TMC1: variants seen among roughly 807,000 people sequenced by gnomAD.
TMC1 encodes transmembrane channel like 1.
In TMC1, 84 loss-of-function variants were observed where a neutral mutation model predicts 105.8. The observed-to-expected ratio is 0.79, with a 90% CI of 0.67 to 0.95. The LOEUF is 0.95. Among genes scored for constraint, TMC1 ranks in the 40% least tolerant of loss-of-function variants. The pLI, the probability that TMC1 is intolerant of heterozygous loss-of-function variation, is 0.00. For synonymous variants in TMC1, 315 were observed against 311.5 expected (o/e 1.01, Z -0.12); for missense variants, 817 against 914.1 (o/e 0.89, Z 1.37).
chr9:72,751,261 C>T (rs1196942382), intron 10 of TMC1, among the ~76,000 whole-genome samples: 1 of 152,166 alleles, frequency 6.6e-6, no homozygotes, highest in East Asian at 1.9e-4. Context: ...TAATTTCTGG[C>T]ATAAGATGTG....
At chr9:72,607,087 C>A (rs1475218182) in intron 2 of TMC1, among the ~76,000 whole-genome samples, 2 of 151,476 alleles carry the variant, frequency 1.3e-5, no homozygotes, top group African/African-American at 4.9e-5. Flanking sequence ...TATTTGTTTC[C>A]TCTTTTTATC....
intron 2 of TMC1, among the ~76,000 whole-genome samples, chr9:72,595,011 G>T (rs1824696175): frequency 6.6e-6 from 1 of 151,960 alleles, no homozygotes; most frequent in South Asian, 2.1e-4. Context: ...TACTAGAGGT[G>T]TGTGCCACCA....
chr9:72,657,054 T>G (rs1825895258), intron 5 of TMC1, among the ~76,000 whole-genome samples: 1 of 152,224 alleles, frequency 6.6e-6, no homozygotes, highest in African/African-American at 2.4e-5. Flanking sequence ...TTACCACACA[T>G]CTATGCACAT....
chr9:72,627,898 A>G (rs1587998567), intron 3 of TMC1, 23 bp from the exon 4 acceptor site: 1 of 343,318 alleles, frequency 2.9e-6, no homozygotes, highest in Non-Finnish European at 5.7e-6. Context: ...TCTGTATTGG[A>G]TTTTTTTTTT....
intron 17 of TMC1, 107 bp downstream of exon 17, chr9:72,792,459 C>A: frequency 7.5e-7 from 1 of 1,341,086 alleles, no homozygotes; most frequent in Non-Finnish European, 1.1e-6. Flanking sequence ...GTAAAAATAG[C>A]TAAGATTTGT....
intron 3 of TMC1, among the ~76,000 whole-genome samples, chr9:72,621,523 T>C (rs1825249277): frequency 6.6e-6 from 1 of 152,232 alleles, no homozygotes; most frequent in Admixed American, 6.5e-5. Flanking sequence ...AATATTCTCA[T>C]GTAAGATTAA....
At chr9:72,705,489 C>T (rs781617838) in intron 8 of TMC1, among the ~76,000 whole-genome samples, 17 of 152,100 alleles carry the variant, frequency 1.1e-4, no homozygotes, top group Non-Finnish European at 1.8e-4. Flanking sequence ...CAAATCAGGG[C>T]AAAGGAGGCA....
chr9:72,730,477 G>T, intron 8 of TMC1, among the ~76,000 whole-genome samples: 1 of 152,080 alleles, frequency 6.6e-6, no homozygotes, highest in East Asian at 1.9e-4. Flanking sequence ...TCCATATTCT[G>T]CCCCCAACTT....
At chr9:72,797,917 C>T (rs1828400536) in intron 17 of TMC1, among the ~76,000 whole-genome samples, 1 of 152,146 alleles carries the variant, frequency 6.6e-6, no homozygotes, top group Admixed American at 6.5e-5. Flanking sequence ...AAACTATCAT[C>T]AGAGTGAACA....
intron 8 of TMC1, among the ~76,000 whole-genome samples, chr9:72,715,026 CTTAG>C (rs1826895134): frequency 6.6e-6 from 1 of 152,172 alleles, no homozygotes; most frequent in African/African-American, 2.4e-5. Flanking sequence ...ACTTATGAAG[CTTAG>C]TTTGGCTGGA....
At chr9:72,632,563 C>T (rs1344180471) in intron 4 of TMC1, among the ~76,000 whole-genome samples, 1 of 152,054 alleles carries the variant, frequency 6.6e-6, no homozygotes, top group Non-Finnish European at 1.5e-5. Flanking sequence ...TTCGAAGATA[C>T]ATCTAAGAAC....
rs71357591 is a variant in TMC1 at position 72,584,784 on chromosome 9, C to CTTTTTTTTTTTTT, written c.-306+6767_-306+6779dup. Among the ~76,000 whole-genome samples, 149 of 112,980 alleles carry CTTTTTTTTTTTTT rather than the reference C, an allele frequency of 1.3e-3. 1 individual carries two copies. Among genetic ancestry groups the CTTTTTTTTTTTTT allele is most frequent in the Middle Eastern group, 5.3e-3 (1 of 188 alleles). The allele number at this position is 112,980 out of a possible 152,430, so 74.1% of individuals were successfully genotyped here. A position where few individuals can be genotyped will look rare whatever the true frequency, so the allele number is the denominator to read the frequency against. On this transcript the variant is annotated intron_variant, in intron 2 of 23. Coordinates refer to ENST00000297784, the MANE Select transcript of TMC1 (RefSeq NM_138691.3). ...GTAGTTCTCCTTTTTCTTTTCTTTT[C>CTTTTTTTTTTTTT]TTTTTTTTTTTTTTTTTTGAGACAG... is the stretch of plus-strand genomic sequence containing the variant.
intron 8 of TMC1, among the ~76,000 whole-genome samples, chr9:72,736,480 G>A (rs921288934): frequency 1.3e-5 from 2 of 152,140 alleles, no homozygotes; most frequent in Admixed American, 1.3e-4. Context: ...TTAGAACAAA[G>A]TTGTGCTTTC....
chr9:72,732,605 C>A (rs1394922898), intron 8 of TMC1, among the ~76,000 whole-genome samples: 1 of 151,006 alleles, frequency 6.6e-6, no homozygotes, highest in Non-Finnish European at 1.5e-5. Context: ...TGGATAATAA[C>A]TAAAAGCATC....
At chr9:72,775,984 C>G (rs911779615) in intron 13 of TMC1, among the ~76,000 whole-genome samples, 2 of 152,158 alleles carry the variant, frequency 1.3e-5, no homozygotes, top group Non-Finnish European at 2.9e-5. Context: ...AAAGAATCTT[C>G]CCCTATGACC....
chr9:72,524,546 G>C (rs1587936956), intron 1 of TMC1, among the ~76,000 whole-genome samples: 1 of 152,098 alleles, frequency 6.6e-6, no homozygotes, highest in Non-Finnish European at 1.5e-5. Flanking sequence ...AACCCAATGA[G>C]GTAAGCGAGG....
chr9:72,589,631 G>A (rs914883333), intron 2 of TMC1, among the ~76,000 whole-genome samples: 4 of 152,124 alleles, frequency 2.6e-5, no homozygotes, highest in Non-Finnish European at 5.9e-5. Flanking sequence ...CAGTTTGTAA[G>A]GTTATGGGTT....
intron 1 of TMC1, among the ~76,000 whole-genome samples, chr9:72,562,630 C>T (rs957163020): frequency 6.6e-6 from 1 of 152,202 alleles, no homozygotes; most frequent in African/African-American, 2.4e-5. Flanking sequence ...ATAACCTCAT[C>T]TCTCAGAGTT....
At chr9:72,605,618 C>T (rs1458285653) in intron 2 of TMC1, among the ~76,000 whole-genome samples, 1 of 150,818 alleles carries the variant, frequency 6.6e-6, no homozygotes, top group Non-Finnish European at 1.5e-5. Context: ...CTCTGACACC[C>T]AGGCTGGAGT....
Sources: gnomAD v4.1 joint callset for allele counts (sites outside exome capture counted in the v4.1 genomes callset) on GRCh38, gnomAD v4.1.1 for gene constraint, MANE v1.5 for transcripts, NCBI Gene and HGNC (gene_info 2026-07-23, HGNC 2026-07-21) for gene names.